The following BLK variants were observed in gnomAD, a reference collection of about 807,000 sequenced individuals.
BLK encodes tyrosine-protein kinase Blk.
Under a neutral mutation model 61.8 loss-of-function variants are expected in BLK, and 64 were observed. The observed-to-expected ratio is 1.03, with a 90% confidence interval of 0.85 to 1.27. BLK has a LOEUF of 1.27. BLK is among the 50% of genes most tolerant of loss of function. BLK has a pLI of 0.00. For missense variants in BLK, 853 were observed against 660.5 expected (o/e 1.29, Z -3.19); for synonymous variants, 351 against 272.0 (o/e 1.29, Z -2.86).
intron 1 of BLK, among the ~76,000 whole-genome samples, chr8:11,526,751 A>G (rs761542163): frequency 2.0e-5 from 3 of 152,210 alleles, no homozygotes; most frequent in African/African-American, 7.2e-5. Flanking sequence ...TGTTGTGTTC[A>G]GTGCTTATAT....
chr8:11,528,011 G>C (rs983400208), intron 1 of BLK, among the ~76,000 whole-genome samples: 1 of 152,078 alleles, frequency 6.6e-6, no homozygotes, highest in Admixed American at 6.5e-5. Context: ...GCAAGGAGGG[G>C]GTTAGTTTTG....
At chr8:11,522,921 G>T (rs561370510) in intron 1 of BLK, among the ~76,000 whole-genome samples, 4 of 152,286 alleles carry the variant, frequency 2.6e-5, no homozygotes, top group African/African-American at 9.6e-5. Flanking sequence ...GAGAGAAAGA[G>T]AGGAGAAAAT....
At chr8:11,524,584 G>C (rs142885661) in intron 1 of BLK, among the ~76,000 whole-genome samples, 1 of 152,172 alleles carries the variant, frequency 6.6e-6, no homozygotes, top group African/African-American at 2.4e-5. Context: ...ACTTAGAAAG[G>C]TTATGTATGC....
intron 4 of BLK, 71 bp downstream of exon 4, chr8:11,548,196 A>T (rs1585396601): frequency 7.8e-7 from 1 of 1,289,184 alleles, no homozygotes; most frequent in Non-Finnish European, 1.1e-6. Flanking sequence ...TTCTCCACCC[A>T]CCACATCCTC....
chr8:11,533,905 C>T (rs1800004417), intron 1 of BLK, among the ~76,000 whole-genome samples: 1 of 152,350 alleles, frequency 6.6e-6, no homozygotes, highest in African/African-American at 2.4e-5. Flanking sequence ...AGTAAAACTG[C>T]AGGCATTATT....
intron 10 of BLK, chr8:11,560,392 T>G (rs1326814925): frequency 4.7e-6 from 1 of 211,524 alleles, no homozygotes; most frequent in Non-Finnish European, 9.1e-6. Flanking sequence ...GATGGATGGA[T>G]GCATGGATGG....
At chr8:11,546,993 A>T (rs762909092) in intron 3 of BLK, among the ~76,000 whole-genome samples, 2 of 152,178 alleles carry the variant, frequency 1.3e-5, no homozygotes, top group Non-Finnish European at 2.9e-5. Context: ...GCCTCCTTCA[A>T]AGTGACTTCC....
At chr8:11,508,906 A>C (rs1479855343) in intron 1 of BLK, among the ~76,000 whole-genome samples, 1 of 152,142 alleles carries the variant, frequency 6.6e-6, no homozygotes, top group Non-Finnish European at 1.5e-5. Context: ...CTGCCCATCC[A>C]CTGAGAGCTT....
intron 3 of BLK, 74 bp downstream of exon 3, chr8:11,546,177 A>G (rs1800632932): frequency 1.9e-6 from 3 of 1,560,982 alleles, no homozygotes; most frequent in Admixed American, 3.3e-5. Flanking sequence ...GAGTTGGAAA[A>G]AGGTTGAGTC....
intron 1 of BLK, among the ~76,000 whole-genome samples, chr8:11,525,735 C>A (rs748109539): frequency 1.3e-5 from 2 of 152,138 alleles, no homozygotes; most frequent in African/African-American, 4.8e-5. Context: ...AATGGAGCAG[C>A]TTTTGTGGGG....
At position 11,564,215 on chromosome 8, in the gene BLK, T is replaced by C; in HGVS notation, c.*107T>C. ...GCGGGGTGTCGCCTGTGCCCTTTTC[T>C]CAGACCCGGAATCCAGTGGGCAGAG... On this transcript the variant is annotated 3_prime_UTR_variant, in exon 13 of 13. Coordinates refer to ENST00000259089, the MANE Select transcript of BLK (RefSeq NM_001715.3). The C allele has an allele frequency of 7.4e-7, 1 of 1,347,382 alleles. No homozygotes were observed. 83.5% of individuals were successfully genotyped at this position (1,347,382 alleles called of 1,614,324 possible).
chr8:11,528,839 C>T (rs1156586814), intron 1 of BLK, among the ~76,000 whole-genome samples: 1 of 152,156 alleles, frequency 6.6e-6, no homozygotes, highest in Non-Finnish European at 1.5e-5. Flanking sequence ...CCTCAGCAAA[C>T]TAACGCAGGA....
chr8:11,498,029 G>A (rs187175228), intron 1 of BLK, among the ~76,000 whole-genome samples: 1 of 152,218 alleles, frequency 6.6e-6, no homozygotes, highest in Admixed American at 6.5e-5. Context: ...CCACTGTGGG[G>A]CTTGTGCAAC....
At chr8:11,504,565 C>G (rs977722152) in intron 1 of BLK, among the ~76,000 whole-genome samples, 1 of 152,156 alleles carries the variant, frequency 6.6e-6, no homozygotes, top group Non-Finnish European at 1.5e-5. Flanking sequence ...ATCACAGGGA[C>G]GTGCGTTTAA....
At chr8:11,516,506 T>C (rs1262880272) in intron 1 of BLK, among the ~76,000 whole-genome samples, 4 of 152,192 alleles carry the variant, frequency 2.6e-5, no homozygotes, top group African/African-American at 7.2e-5. Context: ...AAAGACAATC[T>C]AGTAGGTCTT....
At chr8:11,524,931 A>AAAAT (rs397707314) in intron 1 of BLK, among the ~76,000 whole-genome samples, 5 of 151,706 alleles carry the variant, frequency 3.3e-5, no homozygotes, top group African/African-American at 1.2e-4. Context: ...AAAAAAAAAA[A>AAAAT]GGCCATGGAA....
chr8:11,540,572 A>C (rs1179762374), intron 1 of BLK, among the ~76,000 whole-genome samples: 2 of 152,214 alleles, frequency 1.3e-5, no homozygotes, highest in African/African-American at 4.8e-5. Context: ...CATCACAATC[A>C]AAAAAGAGAA....
At chr8:11,554,448 G>T (rs1407563316) in intron 6 of BLK, among the ~76,000 whole-genome samples, 1 of 152,138 alleles carries the variant, frequency 6.6e-6, no homozygotes, top group African/African-American at 2.4e-5. Context: ...CCCAAGTGGG[G>T]ACCTACATGA....
intron 1 of BLK, among the ~76,000 whole-genome samples, chr8:11,515,774 C>G (rs1269103046): frequency 2.0e-5 from 3 of 152,368 alleles, no homozygotes; most frequent in African/African-American, 7.2e-5. Flanking sequence ...CCCAGAACAG[C>G]TTCCTGCAGT....
Sources: allele counts gnomAD v4.1 joint callset (sites outside exome capture counted in the v4.1 genomes callset), GRCh38; gene constraint gnomAD v4.1.1; transcripts MANE v1.5; gene names NCBI Gene and HGNC (gene_info 2026-07-23, HGNC 2026-07-21).